FRMPD4: variants seen among roughly 807,000 people sequenced by gnomAD.
FRMPD4 encodes the protein FERM and PDZ domain containing 4, also known as FERM and PDZ domain-containing protein 4.
A neutral mutation model predicts 94.1 loss-of-function variants in FRMPD4; 22 were observed. The observed-to-expected ratio is 0.23, with a 90% confidence interval of 0.17 to 0.33. FRMPD4 has a LOEUF of 0.33. Ranked by LOEUF, FRMPD4 falls within the 10% of genes least tolerant of loss-of-function variation. The pLI is 1.00. For missense variants in FRMPD4, 1,111 were observed against 1,339.9 expected (o/e 0.83, Z 2.67); for synonymous variants, 631 against 548.6 (o/e 1.15, Z -2.10).
At chrX:12,321,723 A>G (rs1224679374) in intron 1 of FRMPD4, among the ~76,000 whole-genome samples, 1 of 112,108 alleles carries the variant, frequency 8.9e-6, no homozygotes, top group African/African-American at 3.2e-5. Context: ...TGTCCTCATG[A>G]AGCTTACAAG....
chrX:12,658,811 ACTATTGATAACAGCCAC>A, intron 4 of FRMPD4, among the ~76,000 whole-genome samples: 1 of 112,126 alleles, frequency 8.9e-6, no homozygotes, highest in Middle Eastern at 4.6e-3. Flanking sequence ...TGAGTTCATG[ACTATTGATAACAGCCAC>A]CTACTGCCTG....
chrX:12,677,295 T>C (rs1285372084), intron 5 of FRMPD4, among the ~76,000 whole-genome samples: 1 of 111,385 alleles, frequency 9.0e-6, no homozygotes, highest in Admixed American at 9.6e-5. Flanking sequence ...CCCTTTACTG[T>C]TCAAATCCCA....
At chrX:11,989,257 A>T (rs1453172732) in intron 3 of FRMPD4, among the ~76,000 whole-genome samples, 1 of 112,118 alleles carries the variant, frequency 8.9e-6, no homozygotes, top group Admixed American at 9.5e-5. Flanking sequence ...TGAATGGATA[A>T]AGAAAATGTG....
At chrX:12,357,409 C>A (rs1017180502) in intron 1 of FRMPD4, among the ~76,000 whole-genome samples, 20 of 111,860 alleles carry the variant, frequency 1.8e-4, no homozygotes, top group African/African-American at 6.5e-4. Context: ...GTACTACTAT[C>A]CTCATCTTGC....
intron 4 of FRMPD4, among the ~76,000 whole-genome samples, chrX:12,638,804 T>C (rs1278679801): frequency 9.0e-6 from 1 of 111,565 alleles, no homozygotes; most frequent in Non-Finnish European, 1.9e-5. Context: ...CTAACTCTGT[T>C]CTTCATACAG....
chrX:12,013,825 G>A (rs764584483), intron 3 of FRMPD4, among the ~76,000 whole-genome samples: 4 of 112,674 alleles, frequency 3.6e-5, no homozygotes, highest in Non-Finnish European at 5.6e-5. Flanking sequence ...AGTCACATCC[G>A]CCAACTTGGC....
chrX:12,379,078 G>C (rs1295071925), intron 1 of FRMPD4, among the ~76,000 whole-genome samples: 6 of 112,140 alleles, frequency 5.4e-5, no homozygotes, highest in African/African-American at 1.9e-4. Flanking sequence ...CCTTTCTAAA[G>C]ATATATAGTT....
At chrX:12,538,560 C>T (rs1417304460) in intron 2 of FRMPD4, among the ~76,000 whole-genome samples, 1 of 112,032 alleles carries the variant, frequency 8.9e-6, no homozygotes, top group African/African-American at 3.2e-5. Context: ...AGTAGCCTAA[C>T]TGGGAGGCAC....
At chrX:12,715,996 G>A (rs1410487939) in intron 14 of FRMPD4, 73 bp from the exon 15 acceptor site, 2 of 409,835 alleles carry the variant, frequency 4.9e-6, no homozygotes, top group Non-Finnish European at 4.3e-6. Context: ...AAACAGAGAC[G>A]AGCCTCCCAC....
At chrX:12,128,275 C>A (rs2055518358) in intron 3 of FRMPD4, among the ~76,000 whole-genome samples, 1 of 113,034 alleles carries the variant, frequency 8.8e-6, no homozygotes. Context: ...AGTTCCCAAA[C>A]CTCAGTTTTT....
At chrX:12,083,526 T>C (rs2055079233) in intron 3 of FRMPD4, among the ~76,000 whole-genome samples, 1 of 112,693 alleles carries the variant, frequency 8.9e-6, no homozygotes, top group African/African-American at 3.2e-5. Flanking sequence ...GAGTCCCTAC[T>C]GGGGTACTGC....
At chrX:11,882,649 A>G (rs983354527) in intron 3 of FRMPD4, among the ~76,000 whole-genome samples, 3 of 112,071 alleles carry the variant, frequency 2.7e-5, no homozygotes, top group African/African-American at 9.7e-5. Flanking sequence ...TATATATGAA[A>G]CATAAATGAA....
At chrX:12,439,446 C>T (rs906794330) in intron 1 of FRMPD4, among the ~76,000 whole-genome samples, 12 of 111,303 alleles carry the variant, frequency 1.1e-4, no homozygotes, top group African/African-American at 3.9e-4. Context: ...GCATCTAGCT[C>T]CTAAGTACGG....
At chrX:12,495,865 G>A (rs1216391809) in intron 1 of FRMPD4, among the ~76,000 whole-genome samples, 3 of 112,176 alleles carry the variant, frequency 2.7e-5, no homozygotes, top group African/African-American at 9.7e-5. Context: ...CTTGGCTTTG[G>A]TTCCAGGCAT....
intron 3 of FRMPD4, among the ~76,000 whole-genome samples, chrX:11,948,173 C>T (rs886786752): frequency 2.6e-4 from 28 of 108,986 alleles, no homozygotes; most frequent in African/African-American, 9.3e-4. Context: ...CATTTTCAAA[C>T]TGGGCTTTAC....
intron 3 of FRMPD4, among the ~76,000 whole-genome samples, chrX:12,086,654 G>A (rs1252117090): frequency 9.0e-6 from 1 of 111,581 alleles, no homozygotes; most frequent in African/African-American, 3.3e-5. Flanking sequence ...GGAGGGCCCT[G>A]CAAAGCTAGG....
At chrX:11,920,719 T>A (rs1174657228) in intron 3 of FRMPD4, among the ~76,000 whole-genome samples, 1 of 112,228 alleles carries the variant, frequency 8.9e-6, no homozygotes, top group East Asian at 2.8e-4. Context: ...TAATGAAATC[T>A]GCACAAGGCC....
intron 2 of FRMPD4, among the ~76,000 whole-genome samples, chrX:12,534,765 C>T (rs1264738025): frequency 1.8e-5 from 2 of 112,587 alleles, no homozygotes; most frequent in African/African-American, 3.2e-5. Flanking sequence ...TCCCACTGTA[C>T]CTAGGAAGTA....
intron 1 of FRMPD4, among the ~76,000 whole-genome samples, chrX:12,291,991 C>T (rs183411663): frequency 1.8e-5 from 2 of 112,011 alleles, no homozygotes; most frequent in Non-Finnish European, 3.8e-5. Flanking sequence ...ATTCATAGGC[C>T]TGTGCTTGGC....
Sources: allele counts gnomAD v4.1 joint callset (sites outside exome capture counted in the v4.1 genomes callset), GRCh38; gene constraint gnomAD v4.1.1; transcripts MANE v1.5; gene names NCBI Gene and HGNC (gene_info 2026-07-23, HGNC 2026-07-21).